Variants in HSCB observed in about 807,000 individuals in gnomAD.
HSCB encodes the protein HscB mitochondrial iron-sulfur cluster cochaperone, also known as iron-sulfur cluster co-chaperone protein HscB.
A neutral mutation model predicts 31.3 loss-of-function variants in HSCB; 23 were observed. That is an observed-to-expected ratio of 0.74 (90% CI 0.53 to 1.04). HSCB has a LOEUF of 1.04. Ranked by LOEUF, HSCB falls within the 50% of genes least tolerant of loss-of-function variation. The probability of loss-of-function intolerance (pLI) is 0.00; values close to 1 mark genes in which losing one functional copy is unlikely to be tolerated. For missense variants in HSCB, 297 were observed against 288.1 expected (o/e 1.03, Z -0.22); for synonymous variants, 110 against 104.5 (o/e 1.05, Z -0.32).
chr22:28,744,080 G>C, intron 2 of HSCB, 102 bp downstream of exon 2: 1 of 926,214 alleles, frequency 1.1e-6, no homozygotes, highest in Non-Finnish European at 1.8e-6. Context: ...TGGAAAATCA[G>C]CTGTGTCTGC....
At chr22:28,742,912 G>C (rs1200028083) in intron 1 of HSCB, among the ~76,000 whole-genome samples, 1 of 152,108 alleles carries the variant, frequency 6.6e-6, no homozygotes, top group African/African-American at 2.4e-5. Flanking sequence ...TTGGAGAGAC[G>C]GGGCAGTGTG....
chr22:28,756,940 C>T, intron 5 of HSCB, 138 bp from the exon 6 acceptor site: 2 of 690,422 alleles, frequency 2.9e-6, no homozygotes, highest in South Asian at 1.5e-5. Context: ...TCTCCCTCTT[C>T]GTTGCTCAGT....
chr22:28,752,629 G>C (rs1366860113), intron 5 of HSCB, among the ~76,000 whole-genome samples: 1 of 150,608 alleles, frequency 6.6e-6, no homozygotes, highest in Admixed American at 6.6e-5. Flanking sequence ...AGCTACTCGG[G>C]AGGCTGAGGC....
intron 3 of HSCB, 90 bp from the exon 4 acceptor site, chr22:28,745,774 A>C (rs2054674943): frequency 1.9e-6 from 2 of 1,068,030 alleles, no homozygotes; most frequent in Non-Finnish European, 2.7e-6. Flanking sequence ...TTTCTCTATT[A>C]GTGGTATTAT....
At chr22:28,748,180 G>A (rs532404070) in intron 4 of HSCB, among the ~76,000 whole-genome samples, 21 of 152,238 alleles carry the variant, frequency 1.4e-4, no homozygotes, top group Admixed American at 5.2e-4. Context: ...GCGAGACTCC[G>A]AATAAAAAAT....
chr22:28,747,063 CA>C (rs967217891), intron 4 of HSCB, among the ~76,000 whole-genome samples: 2 of 151,410 alleles, frequency 1.3e-5, no homozygotes, highest in Non-Finnish European at 2.9e-5. Context: ...GACCCTGTCA[CA>C]AAAAAAATAA....
intron 5 of HSCB, among the ~76,000 whole-genome samples, chr22:28,754,389 G>A (rs1343584211): frequency 6.6e-6 from 1 of 151,866 alleles, no homozygotes; most frequent in Non-Finnish European, 1.5e-5. Context: ...TCTGTGGAAG[G>A]TCAGGCACGG....
Position 28,744,659 on chromosome 22 carries a change from T to C in HSCB, c.378T>C (p.Asp126=). The C allele has an allele frequency of 6.2e-7, 1 of 1,614,078 alleles. No homozygotes were observed. The highest frequency in any genetic ancestry group is 8.5e-7 in the Non-Finnish European group (1 of 1,179,912). The part of the protein sequence containing the change: ...FSEKHSTLVN[D]AYKTLLAPLS... The stretch of plus-strand genomic sequence containing the variant: ...AGAAGCATTCGACCCTGGTGAATGA[T>C]GCCTATAAGACCCTCCTGGCCCCCC... Residue 126 remains aspartate, a synonymous_variant, in exon 3 of 6, where the codon GAT becomes GAC. Coordinates refer to ENST00000216027, the MANE Select transcript of HSCB (RefSeq NM_172002.5).
At position 28,742,088 on chromosome 22, in the gene HSCB, C is replaced by T. The variant is rs1270284420; in HGVS notation, c.-8C>T. ...CGAGTGACCACGGCTAGATAGGCCG[C>T]CGGCCAGATGTGGCGGGGGAGAGCC... is the stretch of plus-strand genomic sequence containing the variant. On this transcript the variant is annotated 5_prime_UTR_variant, in exon 1 of 6. Coordinates refer to ENST00000216027, the MANE Select transcript of HSCB (RefSeq NM_172002.5). The T allele has an allele frequency of 6.2e-7, 1 of 1,603,634 alleles. No individual in the cohort carries two copies. Among genetic ancestry groups the T allele is most frequent in the African/African-American group, 1.3e-5 (1 of 74,906 alleles).
Position 28,744,707 on chromosome 22 carries a change from A to G in HSCB, c.423+3A>G, listed in dbSNP as rs1662242400. 2 of 1,608,916 alleles carry G rather than the reference A, an allele frequency of 1.2e-6. No homozygotes were observed. The highest frequency in any genetic ancestry group is 1.7e-6 in the Non-Finnish European group (2 of 1,175,250). ...CCCTGAGCAGAGGACTGTACCTTGT[A>G]AGGTGATTTCCCAACACTTCTGTGT... On this transcript the variant is annotated splice_donor_region_variant and intron_variant, in intron 3 of 5. Coordinates refer to ENST00000216027, the MANE Select transcript of HSCB (RefSeq NM_172002.5).
chr22:28,751,519 G>A (rs2030254415), intron 5 of HSCB, among the ~76,000 whole-genome samples: 1 of 152,146 alleles, frequency 6.6e-6, no homozygotes, highest in Admixed American at 6.5e-5. Flanking sequence ...AGGCTAAGGC[G>A]GGCGGATCAC....
intron 1 of HSCB, among the ~76,000 whole-genome samples, chr22:28,742,951 A>G (rs188921109): frequency 1.2e-4 from 18 of 152,224 alleles, no homozygotes; most frequent in Admixed American, 5.2e-4. Flanking sequence ...AGGAAATAGG[A>G]CAGACTCTGG....
At chr22:28,750,945 C>CTTTTGTTTTTTTTTTTTTTT (rs2030188175) in intron 4 of HSCB, among the ~76,000 whole-genome samples, 1 of 56,452 alleles carries the variant, frequency 1.8e-5, no homozygotes, top group Non-Finnish European at 3.2e-5. Context: ...ATATCTTTGT[C>CTTTTGTTTTTTTTTTTTTTT]TTTTTTTTTT....
chr22:28,746,080 G>A (rs768425636), intron 4 of HSCB, 72 bp downstream of exon 4: 1 of 1,479,414 alleles, frequency 6.8e-7, no homozygotes, highest in Non-Finnish European at 9.2e-7. Context: ...AGTGAAAAAT[G>A]AACGTAGAGT....
chr22:28,751,681 A>G (rs5997392), intron 5 of HSCB, among the ~76,000 whole-genome samples: 61 of 150,368 alleles, frequency 4.1e-4, no homozygotes, highest in African/African-American at 1.4e-3. Context: ...GGGAGGCGGA[A>G]GTTGGAGTGA....
At chr22:28,753,699 G>A (rs1041572358) in intron 5 of HSCB, among the ~76,000 whole-genome samples, 1 of 148,312 alleles carries the variant, frequency 6.7e-6, no homozygotes, top group African/African-American at 2.5e-5. Context: ...TCAGCCAGGC[G>A]TGGTGGCGGG....
intron 4 of HSCB, 41 bp downstream of exon 4, chr22:28,746,049 A>G (rs567917812): frequency 5.7e-6 from 9 of 1,571,228 alleles, no homozygotes; most frequent in Non-Finnish European, 7.8e-6. Flanking sequence ...CATTGCTGTT[A>G]TGAACACTTG....
intron 4 of HSCB, among the ~76,000 whole-genome samples, chr22:28,746,880 C>CA (rs1160277136): frequency 6.9e-6 from 1 of 144,270 alleles, no homozygotes; most frequent in East Asian, 2.1e-4. Context: ...GCCTGGACGA[C>CA]AGAGTGAGAC....
At chr22:28,743,263 A>G (rs967365104) in intron 1 of HSCB, among the ~76,000 whole-genome samples, 2 of 152,166 alleles carry the variant, frequency 1.3e-5, no homozygotes, top group Non-Finnish European at 2.9e-5. Context: ...TGCTGAAGAC[A>G]GGCCAGGCTG....
Sources: gnomAD v4.1 joint callset for allele counts (sites outside exome capture counted in the v4.1 genomes callset) on GRCh38, gnomAD v4.1.1 for gene constraint, MANE v1.5 for transcripts, NCBI Gene and HGNC (gene_info 2026-07-23, HGNC 2026-07-21) for gene names.